DYRK1A: variants seen among roughly 807,000 people sequenced by gnomAD.
DYRK1A encodes the protein dual specificity tyrosine-phosphorylation-regulated kinase 1A.
A neutral mutation model predicts 79.7 loss-of-function variants in DYRK1A; 9 were observed. The observed-to-expected ratio is 0.11, with a 90% CI of 0.07 to 0.20. The LOEUF (loss-of-function observed/expected upper bound fraction) is 0.20, where lower values mean the gene tolerates loss of function less well. Among genes scored for constraint, DYRK1A ranks in the 10% least tolerant of loss-of-function variants. DYRK1A has a pLI of 1.00. For synonymous variants in DYRK1A, 349 were observed against 329.7 expected (o/e 1.06, Z -0.63); for missense variants, 622 against 956.0 (o/e 0.65, Z 4.61).
At chr21:37,463,271 A>G (rs1326104688) in intron 2 of DYRK1A, among the ~76,000 whole-genome samples, 2 of 150,948 alleles carry the variant, frequency 1.3e-5, no homozygotes, top group Non-Finnish European at 2.9e-5. Flanking sequence ...AGAGGGTAAT[A>G]AGAAAGCAGT....
intron 2 of DYRK1A, among the ~76,000 whole-genome samples, chr21:37,429,572 T>G (rs1386522834): frequency 6.6e-6 from 1 of 152,130 alleles, no homozygotes; most frequent in Admixed American, 6.5e-5. Flanking sequence ...CGCGAGAACG[T>G]ACTCACCATC....
At chr21:37,434,323 A>C (rs2050861667) in intron 2 of DYRK1A, among the ~76,000 whole-genome samples, 1 of 152,190 alleles carries the variant, frequency 6.6e-6, no homozygotes, top group Non-Finnish European at 1.5e-5. Flanking sequence ...AGGAGGAGAT[A>C]ATTGCTAGGC....
At chr21:37,395,932 A>C (rs1280247383) in intron 1 of DYRK1A, among the ~76,000 whole-genome samples, 1 of 152,220 alleles carries the variant, frequency 6.6e-6, no homozygotes, top group Non-Finnish European at 1.5e-5. Context: ...CATGTTTTCC[A>C]CCTTGTTAAC....
chr21:37,427,037 G>C (rs2050645151), intron 2 of DYRK1A, among the ~76,000 whole-genome samples: 1 of 152,120 alleles, frequency 6.6e-6, no homozygotes, highest in Non-Finnish European at 1.5e-5. Context: ...AATAACAGGA[G>C]GCTCTGAAGA....
At chr21:37,456,821 G>T (rs1390198034) in intron 2 of DYRK1A, among the ~76,000 whole-genome samples, 1 of 152,134 alleles carries the variant, frequency 6.6e-6, no homozygotes, top group Non-Finnish European at 1.5e-5. Flanking sequence ...TTTTGTGGGT[G>T]TAAGGGCATA....
chr21:37,383,374 C>T (rs553453973), intron 1 of DYRK1A, among the ~76,000 whole-genome samples: 15 of 152,310 alleles, frequency 9.8e-5, no homozygotes, highest in Admixed American at 9.1e-4. Context: ...AGCTTTCCAG[C>T]CTGGTCCCCA....
At chr21:37,486,658 A>C in intron 6 of DYRK1A, 44 bp downstream of exon 6, 1 of 1,394,124 alleles carries the variant, frequency 7.2e-7, no homozygotes, top group Non-Finnish European at 9.4e-7. Context: ...AACCCACACC[A>C]AAACTTTGAG....
At chr21:37,462,757 TC>T (rs1480638923) in intron 2 of DYRK1A, among the ~76,000 whole-genome samples, 1 of 152,158 alleles carries the variant, frequency 6.6e-6, no homozygotes, top group Non-Finnish European at 1.5e-5. Flanking sequence ...GGCTCCCCCT[TC>T]CTATATTGTA....
chr21:37,487,486 G>A (rs1355236511), intron 6 of DYRK1A: 2 of 151,930 alleles, frequency 1.3e-5, no homozygotes, highest in East Asian at 1.9e-4. Context: ...TTTATGTACC[G>A]TCAAGGAAAA....
intron 2 of DYRK1A, among the ~76,000 whole-genome samples, chr21:37,457,866 C>T (rs992695201): frequency 2.0e-5 from 3 of 152,130 alleles, no homozygotes; most frequent in African/African-American, 7.2e-5. Context: ...TGTTGCTGTG[C>T]CTGCTTTAGA....
chr21:37,400,308 A>G (rs536495642), intron 1 of DYRK1A, among the ~76,000 whole-genome samples: 1 of 152,256 alleles, frequency 6.6e-6, no homozygotes, highest in Non-Finnish European at 1.5e-5. Flanking sequence ...ACTTAATCAC[A>G]CCTGCAAAGA....
intron 2 of DYRK1A, among the ~76,000 whole-genome samples, chr21:37,449,879 T>C (rs543303805): frequency 6.6e-5 from 10 of 152,250 alleles, no homozygotes; most frequent in African/African-American, 2.4e-4. Context: ...CCTGGCCAAG[T>C]TGGGCAGAAA....
chr21:37,511,584 C>T lies in DYRK1A; in HGVS notation c.1645-327C>T, dbSNP rs76640573. Reference sequence around the variant, plus strand: ...AAGTAAAGACTTCCTTTTGGACCTGCCCAGAATACTGTCCAGCCCTTTTCA... The same window carrying T: ...AAGTAAAGACTTCCTTTTGGACCTGTCCAGAATACTGTCCAGCCCTTTTCA... On this transcript the variant is annotated intron_variant, in intron 11 of 11. Coordinates refer to ENST00000647188, the MANE Select transcript of DYRK1A (RefSeq NM_001347721.2). Among the ~76,000 whole-genome samples, 13 of 152,286 alleles carry T rather than the reference C, an allele frequency of 8.5e-5. No homozygotes were observed. In the East Asian group the frequency reaches 2.3e-3, roughly 27 times the overall value.
At chr21:37,378,811 CAGTT>C (rs1310373663) in intron 1 of DYRK1A, among the ~76,000 whole-genome samples, 3 of 152,084 alleles carry the variant, frequency 2.0e-5, no homozygotes, top group South Asian at 4.1e-4. Context: ...TGGCCGTTAA[CAGTT>C]AGAGGGGTTG....
At chr21:37,458,782 G>A (rs2051744091) in intron 2 of DYRK1A, among the ~76,000 whole-genome samples, 1 of 152,198 alleles carries the variant, frequency 6.6e-6, no homozygotes, top group African/African-American at 2.4e-5. Flanking sequence ...GATATAGAGA[G>A]CAGGCCGAGG....
At chr21:37,435,608 A>G (rs1343256067) in intron 2 of DYRK1A, among the ~76,000 whole-genome samples, 1 of 152,226 alleles carries the variant, frequency 6.6e-6, no homozygotes, top group Non-Finnish European at 1.5e-5. Context: ...TTAAAATATA[A>G]CTCAGGTAGC....
chr21:37,525,712 G>A lies in DYRK1A; in HGVS notation c.*13181G>A, dbSNP rs2053963565. 2.0e-5 allele frequency: 3 copies of A among 152,180 alleles called. No individual in the cohort carries two copies. Among genetic ancestry groups the A allele is most frequent in the African/African-American group, 7.2e-5 (3 of 41,448 alleles). The allele number at this position is 152,180 out of a possible 1,614,324, so 9.4% of individuals were successfully genotyped here. On this transcript the variant is annotated 3_prime_UTR_variant, in exon 12 of 12. Coordinates refer to ENST00000647188, the MANE Select transcript of DYRK1A (RefSeq NM_001347721.2). Reference sequence around the variant, plus strand: ...TTATTGAACCAGTATTGTCAATAGTGAACTTCCTTTAGCTCTTGTGGACTT... The same window carrying A: ...TTATTGAACCAGTATTGTCAATAGTAAACTTCCTTTAGCTCTTGTGGACTT...
chr21:37,514,946 T>C lies in DYRK1A; in HGVS notation c.*2415T>C, dbSNP rs536898887. The C allele has an allele frequency of 1.3e-5, 2 of 152,666 alleles. No homozygotes were observed. Among genetic ancestry groups the C allele is most frequent in the Non-Finnish European group, 2.9e-5 (2 of 68,044 alleles). The allele number at this position is 152,666 out of a possible 1,614,324, so 9.5% of individuals were successfully genotyped here. A position where few individuals can be genotyped will look rare whatever the true frequency, so the allele number is the denominator to read the frequency against. The stretch of plus-strand genomic sequence containing the variant: ...AATCATAAAATCCAATGCTTCTGCA[T>C]ACTGTGTTATGTTACAGTCCAGTTT... On this transcript the variant is annotated 3_prime_UTR_variant, in exon 12 of 12. Transcript: ENST00000647188.
Position 37,488,438 on chromosome 21 carries a change from C to T in DYRK1A, c.638-1737C>T, listed in dbSNP as rs1346981165. 3 of 706,942 alleles carry T rather than the reference C, an allele frequency of 4.2e-6. No individual in the cohort carries two copies. In the East Asian group the frequency reaches 4.0e-4, roughly 94 times the overall value. 43.8% of individuals were successfully genotyped at this position (706,942 alleles called of 1,614,324 possible). ...GATTTATTCTGATGAGTTTTATTGT[C>T]TTGTCTTTGAACTTTAAAAAACATC... On this transcript the variant is annotated intron_variant, in intron 6 of 11. Coordinates refer to ENST00000647188, the MANE Select transcript of DYRK1A (RefSeq NM_001347721.2).
Sources: allele counts gnomAD v4.1 joint callset (sites outside exome capture counted in the v4.1 genomes callset), GRCh38; gene constraint gnomAD v4.1.1; transcripts MANE v1.5; gene names NCBI Gene and HGNC (gene_info 2026-07-23, HGNC 2026-07-21).